The following GRIN2B variants were observed in gnomAD, a reference collection of about 807,000 sequenced individuals.
GRIN2B encodes glutamate receptor ionotropic, NMDA 2B.
Under a neutral mutation model 114.5 loss-of-function variants are expected in GRIN2B, and 5 were observed. The observed-to-expected ratio is 0.04, with a 90% CI of 0.02 to 0.09. The LOEUF (loss-of-function observed/expected upper bound fraction) is 0.09, where lower values mean the gene tolerates loss of function less well. GRIN2B is among the 10% of genes least tolerant of loss of function. The probability of loss-of-function intolerance (pLI) is 1.00; values close to 1 mark genes in which losing one functional copy is unlikely to be tolerated. For missense variants in GRIN2B, 1,108 were observed against 1,943.5 expected, an observed-to-expected ratio of 0.57 and a Z score of 8.08; for synonymous variants, 787 against 745.1, an observed-to-expected ratio of 1.06 and a Z score of -0.92.
rs905348207 is a variant in GRIN2B, at chr12:13,543,442, A to C, written c.*19341T>G. 6.6e-6 allele frequency: 1 copy of C among 152,088 alleles called. No individual in the cohort carries two copies. The highest frequency in any genetic ancestry group is 1.5e-5 in the Non-Finnish European group (1 of 68,034). The allele number at this position is 152,088 out of a possible 1,614,324, so 9.4% of individuals were successfully genotyped here. On this transcript the variant is annotated 3_prime_UTR_variant, in exon 14 of 14. Transcript: ENST00000609686. ...CACCCAGCTTAGATTCCATGACCAA[A>C]CATTATAGTTAACACACTGCAGTTG...
chr12:13,981,083 C>G (rs561656966), intron 1 of GRIN2B, among the ~76,000 whole-genome samples: 1 of 152,204 alleles, frequency 6.6e-6, no homozygotes, highest in South Asian at 2.1e-4. Flanking sequence ...CGCTGCCCTG[C>G]CCCTCTGCTA....
chr12:13,578,606 A>G (rs557969550), intron 10 of GRIN2B, among the ~76,000 whole-genome samples: 3 of 152,340 alleles, frequency 2.0e-5, no homozygotes, highest in Admixed American at 2.0e-4. Flanking sequence ...GGCAAGCCCT[A>G]CCCAAATATC....
chr12:13,859,729 C>T (rs1865723610), intron 3 of GRIN2B, among the ~76,000 whole-genome samples: 1 of 152,194 alleles, frequency 6.6e-6, no homozygotes, highest in Non-Finnish European at 1.5e-5. Flanking sequence ...TACATAAACG[C>T]TCTCTGATTT....
chr12:13,802,033 G>A (rs759449753), intron 3 of GRIN2B, among the ~76,000 whole-genome samples: 65 of 152,060 alleles, frequency 4.3e-4, no homozygotes, highest in South Asian at 2.1e-4. Flanking sequence ...TCCTTCTTCC[G>A]TGCTTGGGTG....
chr12:13,643,282 AT>A (rs1949736824), intron 5 of GRIN2B, among the ~76,000 whole-genome samples: 1 of 152,168 alleles, frequency 6.6e-6, no homozygotes, highest in African/African-American at 2.4e-5. Flanking sequence ...AAGTATTATG[AT>A]AAAAAAGTCA....
chr12:13,950,594 T>C (rs969084539), intron 2 of GRIN2B, among the ~76,000 whole-genome samples: 2 of 152,176 alleles, frequency 1.3e-5, no homozygotes, highest in African/African-American at 4.8e-5. Context: ...CTTGCCTATC[T>C]AAAAATTACT....
At position 13,563,146 on chromosome 12, in the gene GRIN2B, G is replaced by A. The variant is rs771307465; in HGVS notation, c.4092C>T (p.His1364=). Residue 1364 remains histidine, a synonymous_variant, in exon 14 of 14, where the codon CAC becomes CAT. Coordinates refer to ENST00000609686, the MANE Select transcript of GRIN2B (RefSeq NM_000834.5). ...GCATGTACCCGCCGCCGGGGTTGTT[G>A]TGGTGGTGATGTCCGGCAGTGGGCA... The part of the protein sequence containing the change: ...SSVPTAGHHH[H]NNPGGGYMLS... The A allele has an allele frequency of 1.9e-6, 3 of 1,614,106 alleles. No homozygotes were observed. The highest frequency in any genetic ancestry group is 1.7e-6 in the Non-Finnish European group (2 of 1,180,056).
Position 13,689,786 on chromosome 12 carries a change from C to A in GRIN2B, c.1011-13927G>T, listed in dbSNP as rs140223072. 4.6e-5 allele frequency among the ~76,000 whole-genome samples: 7 copies of A among 152,340 alleles called. No homozygotes were observed. The East Asian group carries it at 1.2e-3, about 25-fold the overall frequency. On this transcript the variant is annotated intron_variant, in intron 4 of 13. Transcript: ENST00000609686. ...TGGAATTCTCTCATCTTTACATGAACTCTTGCTGAAGCCAAGAACCATCTT... is the reference window on the plus strand; with the variant it reads ...TGGAATTCTCTCATCTTTACATGAAATCTTGCTGAAGCCAAGAACCATCTT...
intron 3 of GRIN2B, among the ~76,000 whole-genome samples, chr12:13,839,668 T>A (rs1865345288): frequency 6.6e-6 from 1 of 152,162 alleles, no homozygotes; most frequent in Admixed American, 6.5e-5. Context: ...AAGCCCCAGG[T>A]GTCAGACAAA....
At chr12:13,800,998 C>T (rs1382928945) in intron 3 of GRIN2B, among the ~76,000 whole-genome samples, 1 of 152,124 alleles carries the variant, frequency 6.6e-6, no homozygotes, top group African/African-American at 2.4e-5. Flanking sequence ...ATAAATTCCT[C>T]AAGGGGATTT....
At chr12:13,751,981 C>G (rs935320437) in intron 4 of GRIN2B, among the ~76,000 whole-genome samples, 1 of 152,068 alleles carries the variant, frequency 6.6e-6, no homozygotes, top group African/African-American at 2.4e-5. Context: ...GGGGCAATAC[C>G]TAGGGATGAT....
intron 2 of GRIN2B, among the ~76,000 whole-genome samples, chr12:13,975,115 T>C (rs1421502708): frequency 6.6e-6 from 1 of 152,136 alleles, no homozygotes; most frequent in African/African-American, 2.4e-5. Flanking sequence ...AAAAAAGAAG[T>C]GCTGGAATCC....
At chr12:13,755,647 T>C (rs1217193401) in intron 3 of GRIN2B, among the ~76,000 whole-genome samples, 2 of 152,340 alleles carry the variant, frequency 1.3e-5, no homozygotes, top group East Asian at 3.9e-4. Context: ...TTCCAAACCC[T>C]GGCCAGTCCC....
chr12:13,641,349 A>T (rs1949713656), intron 5 of GRIN2B, among the ~76,000 whole-genome samples: 1 of 152,112 alleles, frequency 6.6e-6, no homozygotes, highest in South Asian at 2.1e-4. Flanking sequence ...CTGGGATTAC[A>T]GGTGTGAGCC....
intron 3 of GRIN2B, among the ~76,000 whole-genome samples, chr12:13,819,561 G>A (rs980458260): frequency 3.3e-5 from 5 of 152,100 alleles, no homozygotes; most frequent in Admixed American, 6.5e-5. Flanking sequence ...AGGTAATAGC[G>A]TGTATTTACC....
intron 3 of GRIN2B, among the ~76,000 whole-genome samples, chr12:13,838,873 T>C (rs1406750252): frequency 1.3e-5 from 2 of 152,202 alleles, no homozygotes; most frequent in African/African-American, 4.8e-5. Flanking sequence ...TAAATCTGCC[T>C]CTTCCCCTCT....
chr12:13,573,629 G>A (rs569416916), intron 10 of GRIN2B, among the ~76,000 whole-genome samples: 2 of 152,144 alleles, frequency 1.3e-5, no homozygotes, highest in Non-Finnish European at 2.9e-5. Flanking sequence ...GCATCGGAAC[G>A]ACAATGAAGA....
intron 3 of GRIN2B, among the ~76,000 whole-genome samples, chr12:13,858,397 A>G (rs1865699042): frequency 6.6e-6 from 1 of 152,242 alleles, no homozygotes; most frequent in Non-Finnish European, 1.5e-5. Context: ...ACTCTCCTGC[A>G]TGCTAGACCT....
intron 2 of GRIN2B, among the ~76,000 whole-genome samples, chr12:13,943,279 T>G (rs1277886273): frequency 6.6e-6 from 1 of 152,170 alleles, no homozygotes; most frequent in Non-Finnish European, 1.5e-5. Flanking sequence ...TTTGCCCAGT[T>G]ACAAAACCTT....
Sources: allele counts gnomAD v4.1 joint callset (sites outside exome capture counted in the v4.1 genomes callset), GRCh38; gene constraint gnomAD v4.1.1; transcripts MANE v1.5; gene names NCBI Gene and HGNC (gene_info 2026-07-23, HGNC 2026-07-21).